The following CCSER1 variants were observed in gnomAD, a reference collection of about 807,000 sequenced individuals.
CCSER1 encodes the protein serine-rich coiled-coil domain-containing protein 1.
Under a neutral mutation model 82.0 loss-of-function variants are expected in CCSER1, and 41 were observed. That is an observed-to-expected ratio of 0.50 (90% CI 0.39 to 0.65). CCSER1 has a LOEUF of 0.65. Among genes scored for constraint, CCSER1 ranks in the 30% least tolerant of loss-of-function variants. The pLI, the probability that CCSER1 is intolerant of heterozygous loss-of-function variation, is 0.00. For missense variants in CCSER1, 1,119 were observed against 1,064.2 expected (o/e 1.05, Z -0.72); for synonymous variants, 414 against 383.9 (o/e 1.08, Z -0.92).
At chr4:90,348,484 T>A (rs1742819641) in intron 3 of CCSER1, among the ~76,000 whole-genome samples, 1 of 152,194 alleles carries the variant, frequency 6.6e-6, no homozygotes, top group Non-Finnish European at 1.5e-5. Flanking sequence ...GGCAAATTTT[T>A]AATTTTCCCC....
At chr4:91,198,447 A>T (rs1158891851) in intron 10 of CCSER1, among the ~76,000 whole-genome samples, 2 of 152,200 alleles carry the variant, frequency 1.3e-5, no homozygotes, top group Non-Finnish European at 2.9e-5. Context: ...TTAAAAAATG[A>T]TTTATTCAAA....
chr4:90,668,689 T>A (rs1002145474), intron 6 of CCSER1, among the ~76,000 whole-genome samples: 1 of 152,150 alleles, frequency 6.6e-6, no homozygotes, highest in Non-Finnish European at 1.5e-5. Flanking sequence ...GAGATTTTAC[T>A]ATATGAATTT....
chr4:90,272,799 T>C (rs959241746), intron 1 of CCSER1, among the ~76,000 whole-genome samples: 1 of 152,108 alleles, frequency 6.6e-6, no homozygotes, highest in Non-Finnish European at 1.5e-5. Flanking sequence ...GGTCAGGAGT[T>C]TGAGACCAGC....
In CCSER1 at chr4:90,210,426, ATTTCT is replaced by A. The variant is rs1287559230; in HGVS notation, c.-42+82619_-42+82623del. The stretch of plus-strand genomic sequence containing the variant: ...TATGAGTTTCAGGTATTCTGCTATC[ATTTCT>A]TTTCTTTTCTTTTCTTTTCTTTTTT... On this transcript the variant is annotated intron_variant, in intron 1 of 10. Transcript: ENST00000509176. Among the ~76,000 whole-genome samples, 967 of 147,686 alleles carry A rather than the reference ATTTCT, an allele frequency of 6.5e-3. 8 individuals are homozygous for A. The highest frequency in any genetic ancestry group is 0.023 in the African/African-American group (933 of 40,054).
intron 10 of CCSER1, among the ~76,000 whole-genome samples, chr4:91,431,355 T>G (rs1424370558): frequency 6.6e-6 from 1 of 152,246 alleles, no homozygotes; most frequent in Non-Finnish European, 1.5e-5. Context: ...TCCTTCACTA[T>G]TTTTTCCCAG....
At chr4:90,900,769 G>A (rs905492931) in intron 8 of CCSER1, among the ~76,000 whole-genome samples, 1 of 151,880 alleles carries the variant, frequency 6.6e-6, no homozygotes, top group Admixed American at 6.6e-5. Context: ...TGTATATTCT[G>A]CAATTTTTGG....
intron 7 of CCSER1, among the ~76,000 whole-genome samples, chr4:90,750,532 T>A (rs1278161770): frequency 3.3e-5 from 5 of 152,176 alleles, no homozygotes; most frequent in African/African-American, 1.2e-4. Flanking sequence ...ACTATTTGCT[T>A]TCCAGTGTAT....
intron 1 of CCSER1, among the ~76,000 whole-genome samples, chr4:90,227,985 C>A (rs1396801711): frequency 2.6e-5 from 4 of 152,212 alleles, no homozygotes; most frequent in African/African-American, 7.2e-5. Flanking sequence ...CCCATGGAGT[C>A]TCACTGATTG....
chr4:90,708,459 G>A (rs1005718205), intron 6 of CCSER1, among the ~76,000 whole-genome samples: 1 of 152,124 alleles, frequency 6.6e-6, no homozygotes, highest in Non-Finnish European at 1.5e-5. Context: ...GAGAAAGGCT[G>A]GGAGTGTAAC....
intron 1 of CCSER1, among the ~76,000 whole-genome samples, chr4:90,269,551 A>C (rs1725871965): frequency 6.6e-6 from 1 of 152,046 alleles, no homozygotes; most frequent in Non-Finnish European, 1.5e-5. Context: ...AAGGAATTTT[A>C]TAGCTATAAG....
intron 9 of CCSER1, among the ~76,000 whole-genome samples, chr4:90,939,268 T>TC (rs1731318230): frequency 6.6e-6 from 1 of 151,946 alleles, no homozygotes; most frequent in Non-Finnish European, 1.5e-5. Context: ...TAATGAAGAG[T>TC]CTTACTCTAA....
intron 10 of CCSER1, among the ~76,000 whole-genome samples, chr4:91,176,733 A>G (rs1018202286): frequency 2.0e-5 from 3 of 152,154 alleles, no homozygotes; most frequent in Non-Finnish European, 1.5e-5. Flanking sequence ...AGACAATGGG[A>G]TTTTCTAAAT....
chr4:90,373,962 G>A (rs1578167327), intron 3 of CCSER1, among the ~76,000 whole-genome samples: 1 of 152,262 alleles, frequency 6.6e-6, no homozygotes, highest in East Asian at 1.9e-4. Context: ...AATTGGCAAA[G>A]AAAATGCCGA....
intron 10 of CCSER1, among the ~76,000 whole-genome samples, chr4:91,282,801 C>G (rs1056950755): frequency 3.3e-5 from 5 of 152,052 alleles, no homozygotes; most frequent in African/African-American, 1.2e-4. Context: ...TGTGGATCCA[C>G]CACTTTAACT....
At chr4:91,403,205 T>C (rs1752458527) in intron 10 of CCSER1, among the ~76,000 whole-genome samples, 1 of 152,200 alleles carries the variant, frequency 6.6e-6, no homozygotes, top group South Asian at 2.1e-4. Flanking sequence ...TTGTCTGTTA[T>C]TGGTGTATAG....
chr4:91,573,843 C>T (rs1035771654), intron 10 of CCSER1, among the ~76,000 whole-genome samples: 7 of 152,106 alleles, frequency 4.6e-5, no homozygotes, highest in African/African-American at 1.7e-4. Context: ...ACTCCCCACC[C>T]AGTTCTGTTT....
chr4:91,576,361 A>G (rs1241948193), intron 10 of CCSER1, among the ~76,000 whole-genome samples: 1 of 152,026 alleles, frequency 6.6e-6, no homozygotes, highest in African/African-American at 2.4e-5. Context: ...CAACTCATAA[A>G]AACAGAGAGT....
intron 10 of CCSER1, among the ~76,000 whole-genome samples, chr4:91,578,345 A>G (rs909593873): frequency 1.3e-5 from 2 of 151,668 alleles, no homozygotes; most frequent in African/African-American, 4.8e-5. Flanking sequence ...AAGATTTTTG[A>G]AAAAAAATTT....
At chr4:90,417,897 T>C (rs1274571113) in intron 4 of CCSER1, among the ~76,000 whole-genome samples, 1 of 152,156 alleles carries the variant, frequency 6.6e-6, no homozygotes, top group Non-Finnish European at 1.5e-5. Flanking sequence ...GGGAAAATTA[T>C]AGAAATCAAC....
Sources: gnomAD v4.1 joint callset for allele counts (sites outside exome capture counted in the v4.1 genomes callset) on GRCh38, gnomAD v4.1.1 for gene constraint, MANE v1.5 for transcripts, NCBI Gene and HGNC (gene_info 2026-07-23, HGNC 2026-07-21) for gene names.